Variants in MVB12B observed in about 807,000 individuals in gnomAD.
MVB12B encodes multivesicular body subunit 12B.
In MVB12B, 16 loss-of-function variants were observed where a neutral mutation model predicts 41.6. The observed-to-expected ratio is 0.38, with a 90% confidence interval of 0.26 to 0.58. The LOEUF (loss-of-function observed/expected upper bound fraction) is 0.58, where lower values mean the gene tolerates loss of function less well. Among genes scored for constraint, MVB12B ranks in the 20% least tolerant of loss-of-function variants. The pLI, the probability that MVB12B is intolerant of heterozygous loss-of-function variation, is 0.62. For missense variants in MVB12B, 274 were observed against 380.2 expected, an observed-to-expected ratio of 0.72 and a Z score of 2.32; for synonymous variants, 133 against 139.7, an observed-to-expected ratio of 0.95 and a Z score of 0.34.
chr9:126,503,581 C>T lies in MVB12B; in HGVS notation c.*318C>T, dbSNP rs904757475. On this transcript the variant is annotated 3_prime_UTR_variant, in exon 10 of 10. Transcript: ENST00000361171. The stretch of plus-strand genomic sequence containing the variant: ...CTCACCACGGAGTCACCCTGAGGGC[C>T]CCGGGCAGTTGCCCTGGCCGCCCAG... 3 of 399,492 alleles carry T rather than the reference C, an allele frequency of 7.5e-6. No homozygotes were observed. Among genetic ancestry groups the T allele is most frequent in the African/African-American group, 6.2e-5 (3 of 48,530 alleles). The allele number at this position is 399,492 out of a possible 1,614,324, so 24.7% of individuals were successfully genotyped here. A position where few individuals can be genotyped will look rare whatever the true frequency, so the allele number is the denominator to read the frequency against.
At chr9:126,377,168 C>A (rs1486033087) in intron 2 of MVB12B, among the ~76,000 whole-genome samples, 2 of 152,218 alleles carry the variant, frequency 1.3e-5, no homozygotes, top group African/African-American at 4.8e-5. Flanking sequence ...TGTGTACATT[C>A]CGCCACTGCC....
intron 7 of MVB12B, among the ~76,000 whole-genome samples, chr9:126,470,587 C>T (rs1833290205): frequency 1.3e-5 from 2 of 151,960 alleles, no homozygotes; most frequent in South Asian, 2.1e-4. Context: ...AGGGATGAAG[C>T]GAGCCCCTCA....
At chr9:126,402,466 C>T (rs756851314) in intron 6 of MVB12B, among the ~76,000 whole-genome samples, 1 of 151,906 alleles carries the variant, frequency 6.6e-6, no homozygotes, top group East Asian at 1.9e-4. Context: ...GGCAAAACCC[C>T]GTCTCTACAA....
At chr9:126,492,947 AGTT>A (rs1313437954) in intron 9 of MVB12B, among the ~76,000 whole-genome samples, 4 of 152,210 alleles carry the variant, frequency 2.6e-5, no homozygotes, top group Admixed American at 2.6e-4. Flanking sequence ...CTCTCTGCTC[AGTT>A]GTTTTCTATC....
intron 2 of MVB12B, among the ~76,000 whole-genome samples, chr9:126,350,239 G>GCA (rs1436100442): frequency 1.3e-5 from 2 of 151,994 alleles, no homozygotes; most frequent in Non-Finnish European, 2.9e-5. Flanking sequence ...CTAGCTATGA[G>GCA]TCCTTTGTTG....
At chr9:126,445,400 G>A (rs1044653071) in intron 7 of MVB12B, among the ~76,000 whole-genome samples, 4 of 152,094 alleles carry the variant, frequency 2.6e-5, no homozygotes, top group Non-Finnish European at 5.9e-5. Flanking sequence ...TCCGCCTCCC[G>A]GGTTCAAGCA....
At chr9:126,366,401 TAGA>T (rs1015064357) in intron 2 of MVB12B, among the ~76,000 whole-genome samples, 8 of 152,170 alleles carry the variant, frequency 5.3e-5, no homozygotes, top group Non-Finnish European at 1.2e-4. Context: ...ATGGACTATG[TAGA>T]AGATGTTAAA....
At chr9:126,493,652 C>G (rs1833778099) in intron 9 of MVB12B, among the ~76,000 whole-genome samples, 1 of 152,234 alleles carries the variant, frequency 6.6e-6, no homozygotes, top group African/African-American at 2.4e-5. Context: ...TCAAGCGTCT[C>G]TCCATCCAGA....
chr9:126,418,090 G>C (rs1831878013), intron 6 of MVB12B, among the ~76,000 whole-genome samples: 1 of 151,972 alleles, frequency 6.6e-6, no homozygotes, highest in Non-Finnish European at 1.5e-5. Flanking sequence ...TAAGTGTACA[G>C]AGTGAGAAGA....
At chr9:126,475,580 C>T (rs1338038192) in intron 7 of MVB12B, among the ~76,000 whole-genome samples, 3 of 152,278 alleles carry the variant, frequency 2.0e-5, no homozygotes, top group South Asian at 4.1e-4. Context: ...CTTGCTGGTC[C>T]TGGTGGCACT....
Position 126,463,925 on chromosome 9 carries a change from C to T in MVB12B, c.758-17444C>T, listed in dbSNP as rs74323741. ...CTCAAGCCTACTATCTTCGTCACTCCCGTACTTGGGCAGATAAGTGATTAA... is the reference window on the plus strand; with the variant it reads ...CTCAAGCCTACTATCTTCGTCACTCTCGTACTTGGGCAGATAAGTGATTAA... On this transcript the variant is annotated intron_variant, in intron 7 of 9. Transcript: ENST00000361171. Among the ~76,000 whole-genome samples the T allele has an allele frequency of 5.1e-3, 769 of 152,256 alleles. 7 individuals are homozygous for T. Among genetic ancestry groups the T allele is most frequent in the African/African-American group, 0.017 (710 of 41,536 alleles).
Position 126,382,399 on chromosome 9 carries a change from C to G in MVB12B, c.312+1228C>G, listed in dbSNP as rs561369541. 2.0e-5 allele frequency among the ~76,000 whole-genome samples: 3 copies of G among 152,310 alleles called. No individual in the cohort carries two copies. In the South Asian group the frequency reaches 6.2e-4, roughly 32 times the overall value. On this transcript the variant is annotated intron_variant, in intron 3 of 9. Coordinates refer to ENST00000361171, the MANE Select transcript of MVB12B (RefSeq NM_033446.3). ...TTATTTTTTCCCCTAATTACAAGAG[C>G]AATATATGCTCCTTGTGAAGTACAG... is the stretch of plus-strand genomic sequence containing the variant.
chr9:126,383,334 T>G (rs1348380338), intron 3 of MVB12B, among the ~76,000 whole-genome samples: 1 of 152,198 alleles, frequency 6.6e-6, no homozygotes, highest in East Asian at 1.9e-4. Flanking sequence ...CCAATAATGC[T>G]ATTAATACAG....
At chr9:126,438,685 G>A (rs1332587150) in intron 7 of MVB12B, among the ~76,000 whole-genome samples, 2 of 152,196 alleles carry the variant, frequency 1.3e-5, no homozygotes, top group African/African-American at 4.8e-5. Flanking sequence ...CGTCCTTTGG[G>A]AGGACCTCTT....
chr9:126,352,768 T>A (rs1829787751), intron 2 of MVB12B, among the ~76,000 whole-genome samples: 1 of 152,232 alleles, frequency 6.6e-6, no homozygotes, highest in Admixed American at 6.5e-5. Flanking sequence ...GAAGTGGAAG[T>A]ACTGGCTTGC....
chr9:126,331,899 G>A (rs917378106), intron 1 of MVB12B, among the ~76,000 whole-genome samples: 1 of 152,214 alleles, frequency 6.6e-6, no homozygotes, highest in Admixed American at 6.5e-5. Flanking sequence ...AAGTATGAAC[G>A]GAAGGCCTGG....
intron 6 of MVB12B, among the ~76,000 whole-genome samples, chr9:126,403,950 C>CTTTTTTT (rs36030597): frequency 7.6e-5 from 8 of 104,728 alleles, no homozygotes; most frequent in East Asian, 3.5e-4. Flanking sequence ...TCCTTTAAAT[C>CTTTTTTT]TTTTTTTTTT....
chr9:126,373,691 G>A (rs893564853), intron 2 of MVB12B, among the ~76,000 whole-genome samples: 5 of 152,212 alleles, frequency 3.3e-5, no homozygotes, highest in African/African-American at 1.2e-4. Context: ...TGAAATGATT[G>A]ACTGCGCCGC....
chr9:126,488,449 C>A (rs1229771061), intron 9 of MVB12B, among the ~76,000 whole-genome samples: 1 of 152,172 alleles, frequency 6.6e-6, no homozygotes. Context: ...AGAACATCTC[C>A]CCAGGCTCGC....
Sources: gnomAD v4.1 joint callset for allele counts (sites outside exome capture counted in the v4.1 genomes callset) on GRCh38, gnomAD v4.1.1 for gene constraint, MANE v1.5 for transcripts, NCBI Gene and HGNC (gene_info 2026-07-23, HGNC 2026-07-21) for gene names.